The following PPP2R2C variants were observed in gnomAD, a reference collection of about 807,000 sequenced individuals.
The protein encoded by PPP2R2C is protein phosphatase 2, regulatory subunit B, gamma.
In PPP2R2C, 10 loss-of-function variants were observed where a neutral mutation model predicts 45.3. The ratio of observed to expected loss-of-function variants is 0.22; its 90% CI spans 0.14 to 0.37. PPP2R2C has a LOEUF of 0.37. PPP2R2C is among the 10% of genes least tolerant of loss of function. PPP2R2C has a pLI of 1.00. For missense variants in PPP2R2C, 308 were observed against 619.7 expected (o/e 0.50, Z 5.34); for synonymous variants, 257 against 245.4 (o/e 1.05, Z -0.44).
chr4:6,492,511 T>A (rs1722727486), intron 2 of PPP2R2C, among the ~76,000 whole-genome samples: 1 of 152,192 alleles, frequency 6.6e-6, no homozygotes, highest in Non-Finnish European at 1.5e-5. Flanking sequence ...CATGCTCAAG[T>A]GTGAGTGAAA....
chr4:6,335,613 AG>A (rs1732785590), intron 6 of PPP2R2C, among the ~76,000 whole-genome samples: 4 of 152,044 alleles, frequency 2.6e-5, no homozygotes, highest in African/African-American at 9.6e-5. Flanking sequence ...GGAGGTAGGG[AG>A]GGGCAGGCAG....
In PPP2R2C at chr4:6,502,551, T is replaced by C. The variant is rs562854158; in HGVS notation, c.49+32720A>G. Among the ~76,000 whole-genome samples, 3 of 151,458 alleles carry C rather than the reference T, an allele frequency of 2.0e-5. No homozygotes were observed. In the East Asian group the frequency reaches 5.9e-4, roughly 30 times the overall value. ...CTTCCCTGCTTCCTTCCTTCCTTCC[T>C]TTTTCCTTCCTTTTATTCCATAACA... is the stretch of plus-strand genomic sequence containing the variant. On this transcript the variant is annotated intron_variant, in intron 2 of 9. Transcript: ENST00000506140.
chr4:6,433,543 C>T (rs1462818358), intron 1 of PPP2R2C, among the ~76,000 whole-genome samples: 2 of 152,196 alleles, frequency 1.3e-5, no homozygotes, highest in Non-Finnish European at 2.9e-5. Context: ...GGCTAAGGCC[C>T]CCTCCCTGTG....
intron 5 of PPP2R2C, chr4:6,348,776 T>C (rs1389054703): frequency 3.1e-5 from 27 of 875,002 alleles, no homozygotes; most frequent in Non-Finnish European, 3.6e-5. Flanking sequence ...GTGGAAAGAG[T>C]GCAGAGAAAG....
chr4:6,437,792 C>T (rs1719962465), intron 1 of PPP2R2C, among the ~76,000 whole-genome samples: 1 of 152,244 alleles, frequency 6.6e-6, no homozygotes, highest in African/African-American at 2.4e-5. Context: ...ACTGTCTCCA[C>T]TGTGTGTTCT....
At chr4:6,392,952 C>T (rs1325211971) in intron 1 of PPP2R2C, among the ~76,000 whole-genome samples, 2 of 152,190 alleles carry the variant, frequency 1.3e-5, no homozygotes, top group African/African-American at 4.8e-5. Flanking sequence ...CCCTCATCTG[C>T]CTTATATGGC....
At chr4:6,539,696 A>C (rs946433420) in intron 1 of PPP2R2C, among the ~76,000 whole-genome samples, 1 of 152,224 alleles carries the variant, frequency 6.6e-6, no homozygotes, top group Non-Finnish European at 1.5e-5. Flanking sequence ...GCGTGGGGAA[A>C]TGGAAGAATC....
chr4:6,508,395 G>T (rs1046992693), intron 2 of PPP2R2C, among the ~76,000 whole-genome samples: 2 of 152,108 alleles, frequency 1.3e-5, no homozygotes, highest in Non-Finnish European at 2.9e-5. Context: ...GACCAGACTG[G>T]CCAACATGGT....
intron 2 of PPP2R2C, among the ~76,000 whole-genome samples, chr4:6,519,175 C>T (rs1461808253): frequency 6.6e-6 from 1 of 152,158 alleles, no homozygotes; most frequent in Non-Finnish European, 1.5e-5. Context: ...TTCTGACTCC[C>T]CTAGAATACC....
intron 2 of PPP2R2C, among the ~76,000 whole-genome samples, chr4:6,523,079 G>A (rs554117981): frequency 2.6e-5 from 4 of 152,292 alleles, no homozygotes; most frequent in South Asian, 2.1e-4. Flanking sequence ...CTCCAAGTGC[G>A]GTTCCAGGGC....
At chr4:6,510,551 T>A (rs925588059) in intron 2 of PPP2R2C, among the ~76,000 whole-genome samples, 21 of 152,340 alleles carry the variant, frequency 1.4e-4, no homozygotes, top group Non-Finnish European at 2.5e-4. Flanking sequence ...CCCACATGCA[T>A]GTGCATGCAC....
intron 1 of PPP2R2C, among the ~76,000 whole-genome samples, chr4:6,419,762 G>C (rs1718844985): frequency 6.6e-6 from 1 of 152,174 alleles, no homozygotes; most frequent in Non-Finnish European, 1.5e-5. Flanking sequence ...GCTCCCTCTG[G>C]AAGCTCTGAG....
At chr4:6,356,371 G>A (rs1259194689) in intron 5 of PPP2R2C, among the ~76,000 whole-genome samples, 3 of 152,174 alleles carry the variant, frequency 2.0e-5, no homozygotes, top group African/African-American at 7.2e-5. Flanking sequence ...ACAGAGGCTC[G>A]GCGAGGAGAA....
Position 6,425,233 on chromosome 4 carries a change from C to T in PPP2R2C, c.71-44139G>A, listed in dbSNP as rs1051543889. Among the ~76,000 whole-genome samples, 6 of 152,312 alleles carry T rather than the reference C, an allele frequency of 3.9e-5. No homozygotes were observed. The East Asian group carries it at 7.7e-4, about 20-fold the overall frequency. On this transcript the variant is annotated intron_variant, in intron 1 of 8. Coordinates refer to ENST00000382599, the MANE Select transcript of PPP2R2C (RefSeq NM_020416.4). ...CTATAATTCCCTATCCACCTGTCGG[C>T]CCCTCCCACAAGGCTGTGCACGCCC...
chr4:6,378,617 G>A lies in PPP2R2C; in HGVS notation c.169-45C>T, dbSNP rs1021050831. The A allele has an allele frequency of 7.0e-6, 11 of 1,581,640 alleles. No homozygotes were observed. The highest frequency in any genetic ancestry group is 1.3e-5 in the African/African-American group (1 of 74,296). ...AGGGGCCTGAGCACCGTGACCTGCAGGGCGACGGCTAGGACCTCCGGGGAC... is the reference window on the plus strand; with the variant it reads ...AGGGGCCTGAGCACCGTGACCTGCAAGGCGACGGCTAGGACCTCCGGGGAC... On this transcript the variant is annotated intron_variant, in intron 2 of 8. Transcript: ENST00000382599. The surrounding 1 kb of genome is among the most constrained non-coding windows in gnomAD (Gnocchi z 5.2).
At chr4:6,325,084 G>C (rs1020453775) in intron 8 of PPP2R2C, among the ~76,000 whole-genome samples, 14 of 152,186 alleles carry the variant, frequency 9.2e-5, no homozygotes, top group Non-Finnish European at 1.5e-4. Flanking sequence ...TCACACGTGA[G>C]CTCCGGCACT....
At chr4:6,356,837 G>A (rs1713240621) in intron 5 of PPP2R2C, among the ~76,000 whole-genome samples, 1 of 152,194 alleles carries the variant, frequency 6.6e-6, no homozygotes, top group African/African-American at 2.4e-5. Flanking sequence ...CAGGGAGCAG[G>A]AGGAGAAAGT....
intron 1 of PPP2R2C, among the ~76,000 whole-genome samples, chr4:6,433,066 A>G (rs1452723310): frequency 1.3e-5 from 2 of 152,216 alleles, no homozygotes; most frequent in East Asian, 3.9e-4. Context: ...TATAATACAT[A>G]TAACATACAA....
At chr4:6,398,418 C>T (rs1468598362) in intron 1 of PPP2R2C, among the ~76,000 whole-genome samples, 1 of 152,078 alleles carries the variant, frequency 6.6e-6, no homozygotes, top group African/African-American at 2.4e-5. Flanking sequence ...TAAACACAAG[C>T]AACCTGATTT....
Sources: allele counts gnomAD v4.1 joint callset (sites outside exome capture counted in the v4.1 genomes callset), GRCh38; gene constraint gnomAD v4.1.1; non-coding constraint Gnocchi (gnomAD v3.1); transcripts MANE v1.5; gene names NCBI Gene and HGNC (gene_info 2026-07-23, HGNC 2026-07-21).